The following TCF24 variants were observed in gnomAD, a reference collection of about 807,000 sequenced individuals.
The protein encoded by TCF24 is transcription factor 24.
Under a neutral mutation model 9.3 loss-of-function variants are expected in TCF24, and 5 were observed. The observed-to-expected ratio is 0.54, with a 90% CI of 0.28 to 1.13. The LOEUF (loss-of-function observed/expected upper bound fraction) is 1.13, where lower values mean the gene tolerates loss of function less well. Ranked by LOEUF, TCF24 falls within the 50% of genes most tolerant of loss-of-function variation. The pLI, the probability that TCF24 is intolerant of heterozygous loss-of-function variation, is 0.09. For synonymous variants in TCF24, 110 were observed against 115.8 expected, an observed-to-expected ratio of 0.95 and a Z score of 0.32; for missense variants, 220 against 236.1, an observed-to-expected ratio of 0.93 and a Z score of 0.45.
chr8:66,951,533 G>C (rs190131934), intron 3 of TCF24, among the ~76,000 whole-genome samples: 124 of 152,242 alleles, frequency 8.1e-4, no homozygotes, highest in Middle Eastern at 6.8e-3. Flanking sequence ...TGTTCATCAA[G>C]GATATTGGCT....
chr8:66,958,008 A>G (rs557706116), intron 3 of TCF24, among the ~76,000 whole-genome samples: 1 of 152,106 alleles, frequency 6.6e-6, no homozygotes, highest in Non-Finnish European at 1.5e-5. Flanking sequence ...TAACGAAGCA[A>G]ACCTAAAATT....
intron 3 of TCF24, among the ~76,000 whole-genome samples, chr8:66,956,482 C>A (rs77575451): frequency 1.3e-5 from 2 of 152,146 alleles, no homozygotes; most frequent in South Asian, 2.1e-4. Flanking sequence ...CCTGCCTGAG[C>A]CTCCCAAGTA....
chr8:66,960,610 A>G (rs1814237340), intron 3 of TCF24, among the ~76,000 whole-genome samples: 1 of 152,226 alleles, frequency 6.6e-6, no homozygotes, highest in Admixed American at 6.5e-5. Flanking sequence ...GTAACGAAGC[A>G]TAATCATATA....
chr8:66,957,880 T>G (rs1023806152), intron 3 of TCF24, among the ~76,000 whole-genome samples: 3 of 129,052 alleles, frequency 2.3e-5, no homozygotes, highest in Admixed American at 9.1e-5. Flanking sequence ...CAGGTCCCAC[T>G]GTGTTAAGAA....
chr8:66,948,415 C>G (rs1189751706), intron 3 of TCF24, among the ~76,000 whole-genome samples: 1 of 152,022 alleles, frequency 6.6e-6, no homozygotes, highest in Non-Finnish European at 1.5e-5. Flanking sequence ...ACAAGAACTG[C>G]AAGAAATCAT....
At chr8:66,958,378 C>G (rs1814196935) in intron 3 of TCF24, among the ~76,000 whole-genome samples, 1 of 152,082 alleles carries the variant, frequency 6.6e-6, no homozygotes, top group Non-Finnish European at 1.5e-5. Context: ...TCATAATTAA[C>G]TAGAACTGAA....
chr8:66,954,413 AG>A (rs1814114784), intron 3 of TCF24, among the ~76,000 whole-genome samples: 1 of 151,854 alleles, frequency 6.6e-6, no homozygotes, highest in African/African-American at 2.4e-5. Flanking sequence ...CTCGGGGGTC[AG>A]GGGTCAGGGA....
intron 3 of TCF24, among the ~76,000 whole-genome samples, chr8:66,955,734 A>G (rs867502185): frequency 1.3e-5 from 2 of 152,186 alleles, no homozygotes; most frequent in African/African-American, 2.4e-5. Context: ...GAGTTAATAG[A>G]ATGTAAGCAG....
rs575656715 is a variant in TCF24, at chr8:66,951,651, A to C, written c.391-3487T>G. 2.0e-5 allele frequency among the ~76,000 whole-genome samples: 3 copies of C among 152,372 alleles called. No individual in the cohort carries two copies. In the South Asian group the frequency reaches 6.2e-4, roughly 32 times the overall value. ...ATTCCCTCTTTTTCTGTTGAGTAGA[A>C]TAGTTTCAGAAGGAATGGTACCAGT... On this transcript the variant is annotated intron_variant, in intron 3 of 3. Transcript: ENST00000563496.
intron 3 of TCF24, among the ~76,000 whole-genome samples, chr8:66,957,090 C>T (rs144613254): frequency 4.5e-4 from 51 of 113,586 alleles, no homozygotes; most frequent in African/African-American, 1.6e-3. Context: ...TCTAGCCTGA[C>T]GACAGAGCAA....
intron 3 of TCF24, among the ~76,000 whole-genome samples, chr8:66,958,630 T>C (rs141945017): frequency 1.7e-4 from 26 of 152,244 alleles, no homozygotes; most frequent in African/African-American, 6.3e-4. Context: ...CACTGCACTC[T>C]AGCTTGGGTG....
chr8:66,960,835 C>A (rs984685207), intron 3 of TCF24, among the ~76,000 whole-genome samples: 4 of 152,076 alleles, frequency 2.6e-5, no homozygotes, highest in African/African-American at 9.7e-5. Context: ...TTTATTTAAA[C>A]GGACAAATTT....
At position 66,962,587 on chromosome 8, in the gene TCF24, G is replaced by A. The variant is rs1250287251; in HGVS notation, c.-393C>T. On this transcript the variant is annotated 5_prime_UTR_variant, in exon 1 of 4. Coordinates refer to ENST00000563496, the MANE Select transcript of TCF24 (RefSeq NM_001193502.2). ...GAGAGGCTACGCCGGGGGCTGAGGC[G>A]GCTTAGAGGGTCATTAATCAAACCC... is the stretch of plus-strand genomic sequence containing the variant. The A allele has an allele frequency of 6.6e-6, 1 of 152,268 alleles. No homozygotes were observed. Among genetic ancestry groups the A allele is most frequent in the African/African-American group, 2.4e-5 (1 of 41,458 alleles). 9.4% of individuals were successfully genotyped at this position (152,268 alleles called of 1,614,324 possible). A position where few individuals can be genotyped will look rare whatever the true frequency, so the allele number is the denominator to read the frequency against.
chr8:66,961,576 TC>T lies in TCF24; in HGVS notation c.189del (p.Thr64ProfsTer84). On this transcript the variant is annotated frameshift_variant, in exon 3 of 4. Transcript: ENST00000563496. LOFTEE classifies it high-confidence loss of function. The stretch of plus-strand genomic sequence containing the variant: ...AGCTCCAGGAAAGCGTGCCGCAGGG[TC>T]TGCACCCGGCTGCGCTCCCGCGCCG... ...ANAARERSRV[Q>X]TLRHAFLELQ... is the part of the protein sequence containing the mutation. 1 of 1,449,818 alleles carries T rather than the reference TC, an allele frequency of 6.9e-7. No individual in the cohort carries two copies. Among genetic ancestry groups the T allele is most frequent in the Non-Finnish European group, 9.1e-7 (1 of 1,103,778 alleles). The allele number at this position is 1,449,818 out of a possible 1,614,324, so 89.8% of individuals were successfully genotyped here. A position where few individuals can be genotyped will look rare whatever the true frequency, so the allele number is the denominator to read the frequency against.
At chr8:66,961,239 G>T in intron 3 of TCF24, 137 bp downstream of exon 3, 1 of 1,205,568 alleles carries the variant, frequency 8.3e-7, no homozygotes, top group Non-Finnish European at 1.1e-6. Context: ...ACCCTCGCGG[G>T]CCGAGGTCGT....
rs1158502680 is a variant in TCF24 at position 66,948,090 on chromosome 8, T to G, written c.465A>C (p.Lys155Asn). Residue 155 changes from lysine to asparagine, a missense_variant, in exon 4 of 4, where the codon AAA becomes AAC. By Grantham distance (94) the Lys-to-Asn change is moderately conservative (BLOSUM62 0). Transcript: ENST00000563496. The stretch of plus-strand genomic sequence containing the variant: ...CTGTTGGAGTGTTGTCATGATTTGT[T>G]TTTTCTCCAGAAACAGAATGCTTCA... ...QFLKHSVSGE[K>N]TNHDNTPTDS... The G allele has an allele frequency of 2.0e-6, 3 of 1,535,128 alleles. No individual in the cohort carries two copies. Among genetic ancestry groups the G allele is most frequent in the Non-Finnish European group, 1.7e-6 (2 of 1,146,614 alleles).
In TCF24 at chr8:66,947,098, A is replaced by G. The variant is rs976152904; in HGVS notation, c.*953T>C. 2.0e-5 allele frequency: 3 copies of G among 152,192 alleles called. No individual in the cohort carries two copies. Among genetic ancestry groups the G allele is most frequent in the African/African-American group, 4.8e-5 (2 of 41,448 alleles). 9.4% of individuals were successfully genotyped at this position (152,192 alleles called of 1,614,324 possible). A position where few individuals can be genotyped will look rare whatever the true frequency, so the allele number is the denominator to read the frequency against. On this transcript the variant is annotated 3_prime_UTR_variant, in exon 4 of 4. Coordinates refer to ENST00000563496, the MANE Select transcript of TCF24 (RefSeq NM_001193502.2). ...TTTACAAATATTTAAATATGCAAGT[A>G]CTTTTCTACATATTAATATGTAGAG...
At chr8:66,961,289 G>A (rs1048691029) in intron 3 of TCF24, 87 bp downstream of exon 3, 3 of 1,323,768 alleles carry the variant, frequency 2.3e-6, no homozygotes, top group Non-Finnish European at 2.9e-6. Context: ...AAAGGAATTA[G>A]AGCATCTACC....
At chr8:66,957,283 G>C (rs1204054570) in intron 3 of TCF24, among the ~76,000 whole-genome samples, 1 of 151,238 alleles carries the variant, frequency 6.6e-6, no homozygotes, top group African/African-American at 2.4e-5. Flanking sequence ...TGGGCGTGGT[G>C]GTGGGCATCC....
Sources: gnomAD v4.1 joint callset for allele counts (sites outside exome capture counted in the v4.1 genomes callset) on GRCh38, gnomAD v4.1.1 for gene constraint, MANE v1.5 for transcripts, NCBI Gene and HGNC (gene_info 2026-07-23, HGNC 2026-07-21) for gene names.